The following GON4L variants were observed in gnomAD, a reference collection of about 807,000 sequenced individuals.
GON4L encodes the protein gon-4 like, also known as GON-4-like protein.
GON4L carries 87 observed loss-of-function variants against 211.8 expected under a neutral mutation model. The observed-to-expected ratio is 0.41, with a 90% CI of 0.35 to 0.49. GON4L has a LOEUF of 0.49. Ranked by LOEUF, GON4L falls within the 20% of genes least tolerant of loss-of-function variation. The probability of loss-of-function intolerance (pLI) is 0.15; values close to 1 mark genes in which losing one functional copy is unlikely to be tolerated. For synonymous variants in GON4L, 875 were observed against 962.6 expected, an observed-to-expected ratio of 0.91 and a Z score of 1.68; for missense variants, 2,155 against 2,659.5, an observed-to-expected ratio of 0.81 and a Z score of 4.17.
intron 28 of GON4L, 23 bp downstream of exon 28, chr1:155,754,352 G>A (rs776151287): frequency 1.4e-5 from 20 of 1,402,490 alleles, no homozygotes; most frequent in South Asian, 4.6e-5. Context: ...TGATACCCTC[G>A]GGACCCTTGA....
At chr1:155,767,742 A>G (rs1235954735) in intron 19 of GON4L, among the ~76,000 whole-genome samples, 2 of 152,150 alleles carry the variant, frequency 1.3e-5, no homozygotes, top group African/African-American at 2.4e-5. Context: ...AAATTAAACT[A>G]ATCTCTATTT....
intron 14 of GON4L, among the ~76,000 whole-genome samples, chr1:155,780,354 G>A (rs1664297999): frequency 6.6e-6 from 1 of 151,942 alleles, no homozygotes; most frequent in Admixed American, 6.6e-5. Flanking sequence ...CAATTTGGGA[G>A]GCCAAGGCAG....
At chr1:155,771,001 T>C in intron 19 of GON4L, 66 bp downstream of exon 19, 1 of 1,606,098 alleles carries the variant, frequency 6.2e-7, no homozygotes, top group African/African-American at 1.3e-5. Flanking sequence ...TCTTTGAGAA[T>C]AACAAGATAA....
At chr1:155,810,483 G>A (rs201544609) in intron 10 of GON4L, among the ~76,000 whole-genome samples, 15 of 151,336 alleles carry the variant, frequency 9.9e-5, no homozygotes, top group East Asian at 5.9e-4. Context: ...CAAGGCAGGC[G>A]GATCATGAGG....
Position 155,801,262 on chromosome 1 carries a change from TG to T in GON4L, c.1645+3686del, listed in dbSNP as rs1311800142. ...TATAAAAATTTCATGTATTTGGATA[TG>T]TACATTTTTTTCTGGGGGAAGGCTG... On this transcript the variant is annotated intron_variant, in intron 11 of 31. Coordinates refer to ENST00000368331, the MANE Select transcript of GON4L (RefSeq NM_001282860.2). Among the ~76,000 whole-genome samples, 8 of 152,100 alleles carry T rather than the reference TG, an allele frequency of 5.3e-5. 1 individual carries two copies. The highest frequency in any genetic ancestry group is 1.9e-4 in the African/African-American group (8 of 41,438).
chr1:155,824,778 A>AG (rs1355519593), intron 3 of GON4L, among the ~76,000 whole-genome samples: 15 of 149,678 alleles, frequency 1.0e-4, no homozygotes, highest in Non-Finnish European at 1.6e-4. Flanking sequence ...AAAAAAAAAA[A>AG]AAGAAGAAGA....
intron 14 of GON4L, among the ~76,000 whole-genome samples, chr1:155,779,315 A>C (rs1387948535): frequency 6.6e-6 from 1 of 151,750 alleles, no homozygotes; most frequent in Non-Finnish European, 1.5e-5. Flanking sequence ...GTAGCTACAT[A>C]AACAGATTTT....
At chr1:155,831,620 C>T (rs143083453) in intron 2 of GON4L, 1 of 152,018 alleles carries the variant, frequency 6.6e-6, no homozygotes, top group African/African-American at 2.4e-5. Flanking sequence ...TGAGACCTCA[C>T]CTGTTAAACA....
At chr1:155,807,133 T>C (rs1354745278) in intron 10 of GON4L, among the ~76,000 whole-genome samples, 5 of 150,668 alleles carry the variant, frequency 3.3e-5, no homozygotes, top group Non-Finnish European at 5.9e-5. Context: ...AGGCTCACAT[T>C]TGTACATCTG....
rs562326023 is a variant in GON4L at position 155,765,998 on chromosome 1, C to G, written c.3475G>C (p.Gly1159Arg). 8.1e-6 allele frequency: 13 copies of G among 1,614,036 alleles called. No individual in the cohort carries two copies. In the South Asian group the frequency reaches 1.4e-4, roughly 18 times the overall value. ...ATTVKIVSLGGGCNMIQPVNA... is the reference protein window; with the variant it reads ...ATTVKIVSLGRGCNMIQPVNA... ...ACAGGCTGGATCATGTTACAGCCAC[C>G]GCCAAGGCTCACAATCTTCACAGTG... The change falls in exon 21 of 32, where the codon GGT becomes CGT. Residue 1159 changes from glycine to arginine, a missense_variant. Coordinates refer to ENST00000368331, the MANE Select transcript of GON4L (RefSeq NM_001282860.2).
intron 6 of GON4L, among the ~76,000 whole-genome samples, chr1:155,818,700 G>A (rs958803710): frequency 6.6e-6 from 1 of 152,058 alleles, no homozygotes; most frequent in Non-Finnish European, 1.5e-5. Flanking sequence ...TCTTCTTTTG[G>A]CATACTTTTA....
chr1:155,754,322 A>C (rs757711386), intron 28 of GON4L, 53 bp downstream of exon 28: 2 of 1,089,318 alleles, frequency 1.8e-6, no homozygotes, highest in African/African-American at 1.5e-5. Context: ...TCTTGGTAGC[A>C]AACAATCCCC....
At chr1:155,847,960 A>G (rs571225758) in intron 2 of GON4L, among the ~76,000 whole-genome samples, 12 of 152,188 alleles carry the variant, frequency 7.9e-5, no homozygotes, top group Non-Finnish European at 1.5e-4. Flanking sequence ...TACAAATGCC[A>G]TGGCAACCCC....
At chr1:155,803,487 C>T (rs533183559) in intron 11 of GON4L, among the ~76,000 whole-genome samples, 12 of 152,206 alleles carry the variant, frequency 7.9e-5, no homozygotes, top group Non-Finnish European at 1.6e-4. Context: ...TTGTGATCCG[C>T]CCGCCTCGGC....
downstream of GON4L, chr1:155,747,714 A>C (rs759663029): frequency 1.9e-6 from 3 of 1,613,860 alleles, no homozygotes; most frequent in Non-Finnish European, 2.5e-6. Context: ...CCAGGGTGGA[A>C]GCTCTTCTCA....
At chr1:155,769,525 A>G (rs1662949716) in intron 19 of GON4L, among the ~76,000 whole-genome samples, 1 of 152,164 alleles carries the variant, frequency 6.6e-6, no homozygotes, top group Non-Finnish European at 1.5e-5. Context: ...AATTCCTTCA[A>G]GATGAAAGTG....
At chr1:155,831,685 T>G (rs1669787811) in intron 2 of GON4L, 1 of 149,886 alleles carries the variant, frequency 6.7e-6, no homozygotes, top group South Asian at 2.1e-4. Flanking sequence ...ACCTTGTGTC[T>G]GCAAAAAGTC....
chr1:155,788,740 C>T (rs377735761), intron 12 of GON4L, among the ~76,000 whole-genome samples: 4 of 152,074 alleles, frequency 2.6e-5, no homozygotes, highest in African/African-American at 4.8e-5. Context: ...ACACAAAGCA[C>T]ATCCTATATG....
At chr1:155,780,816 TACA>T (rs1664346301) in intron 14 of GON4L, among the ~76,000 whole-genome samples, 1 of 152,112 alleles carries the variant, frequency 6.6e-6, no homozygotes, top group Admixed American at 6.5e-5. Context: ...CTGATGTAGT[TACA>T]ACAAGCAGGT....
Sources: gnomAD v4.1 joint callset for allele counts (sites outside exome capture counted in the v4.1 genomes callset) on GRCh38, gnomAD v4.1.1 for gene constraint, MANE v1.5 for transcripts, NCBI Gene and HGNC (gene_info 2026-07-23, HGNC 2026-07-21) for gene names.